MACF1: variants seen among roughly 807,000 people sequenced by gnomAD.
The protein encoded by MACF1 is microtubule actin crosslinking factor 1, also known as microtubule-actin cross-linking factor 1.
In MACF1, 193 loss-of-function variants were observed where a neutral mutation model predicts 854.8. The observed-to-expected ratio is 0.23, with a 90% confidence interval of 0.20 to 0.25. The LOEUF (loss-of-function observed/expected upper bound fraction) is 0.25, where lower values mean the gene tolerates loss of function less well. MACF1 is among the 10% of genes least tolerant of loss of function. MACF1 has a pLI of 1.00. For missense variants in MACF1, 7,722 were observed against 8,929.1 expected (o/e 0.86, Z 5.45); for synonymous variants, 3,185 against 3,226.7 (o/e 0.99, Z 0.44).
intron 2 of MACF1, among the ~76,000 whole-genome samples, chr1:39,093,140 G>A (rs1327890597): frequency 2.0e-5 from 3 of 151,720 alleles, no homozygotes; most frequent in African/African-American, 2.4e-5. Flanking sequence ...CTTCTGTGAC[G>A]CCAAGATATG....
chr1:39,245,440 A>T (rs920788603), intron 2 of MACF1, among the ~76,000 whole-genome samples: 2 of 152,064 alleles, frequency 1.3e-5, no homozygotes, highest in African/African-American at 4.8e-5. Context: ...GCCGCCATGC[A>T]CAACTTTTTT....
intron 51 of MACF1, among the ~76,000 whole-genome samples, chr1:39,370,676 T>C (rs1051241761): frequency 1.3e-5 from 2 of 152,204 alleles, no homozygotes; most frequent in African/African-American, 4.8e-5. Flanking sequence ...ATCCTTATTT[T>C]CTCAGTAAAG....
At chr1:39,385,265 G>A (rs970572709) in intron 56 of MACF1, among the ~76,000 whole-genome samples, 169 bp from the exon 57 acceptor site, 8 of 151,952 alleles carry the variant, frequency 5.3e-5, no homozygotes, top group Non-Finnish European at 7.4e-5. Context: ...ACGGGGTTTC[G>A]CCACGTTGGC....
At chr1:39,434,990 A>G (rs1156579603) in intron 69 of MACF1, among the ~76,000 whole-genome samples, 2 of 152,234 alleles carry the variant, frequency 1.3e-5, no homozygotes, top group African/African-American at 4.8e-5. Flanking sequence ...AGTGAAAGCC[A>G]TGAGGTAATG....
intron 68 of MACF1, among the ~76,000 whole-genome samples, chr1:39,433,820 C>A (rs927648080): frequency 2.6e-5 from 4 of 152,206 alleles, no homozygotes; most frequent in Admixed American, 2.0e-4. Flanking sequence ...TGGCTCACGC[C>A]TGTAATCCCA....
chr1:39,304,625 A>G, intron 23 of MACF1: 1 of 548,462 alleles, frequency 1.8e-6, no homozygotes. Context: ...GTGCAGTGGC[A>G]CTATTTCAGC....
At chr1:39,275,875 T>C (rs1023898726) in intron 6 of MACF1, among the ~76,000 whole-genome samples, 2 of 151,916 alleles carry the variant, frequency 1.3e-5, no homozygotes, top group Non-Finnish European at 2.9e-5. Context: ...TCCCTCTAGC[T>C]GGGCATTTGT....
chr1:39,360,012 A>AAAAAAT (rs1557608845), intron 47 of MACF1, among the ~76,000 whole-genome samples: 18 of 28,820 alleles, frequency 6.2e-4, no homozygotes, highest in Non-Finnish European at 9.6e-4. Context: ...AAAAAAAAAA[A>AAAAAAT]ATATATATAT....
chr1:39,403,867 G>C (rs1350453162), intron 58 of MACF1, among the ~76,000 whole-genome samples: 2 of 152,022 alleles, frequency 1.3e-5, no homozygotes, highest in African/African-American at 4.8e-5. Flanking sequence ...CGTGGCTCAT[G>C]CCTGTAATCC....
chr1:39,484,873 A>C, intron 100 of MACF1, 143 bp downstream of exon 100: 2 of 898,616 alleles, frequency 2.2e-6, no homozygotes, highest in Non-Finnish European at 1.8e-6. Context: ...GCAGATGCTC[A>C]AGTGACCTTT....
At position 39,105,470 on chromosome 1, in the gene MACF1, C is replaced by T; in HGVS notation, c.220+21032C>T. On this transcript the variant is annotated intron_variant, in intron 2 of 93. Coordinates refer to the MACF1 transcript ENST00000361689. The surrounding 1 kb of genome is among the most constrained non-coding windows in gnomAD (Gnocchi z 5.9). ...GGACTGAGGAGCGGAGCGCGACTGC[C>T]GGGCCGGGCGAGGCGGGCGGACGGC... is the stretch of plus-strand genomic sequence containing the variant. 2 of 1,009,028 alleles carry T rather than the reference C, an allele frequency of 2.0e-6. No homozygotes were observed. The highest frequency in any genetic ancestry group is 1.2e-6 in the Non-Finnish European group (1 of 846,766). The allele number at this position is 1,009,028 out of a possible 1,614,324, so 62.5% of individuals were successfully genotyped here. A position where few individuals can be genotyped will look rare whatever the true frequency, so the allele number is the denominator to read the frequency against.
chr1:39,378,585 C>T, intron 53 of MACF1, 62 bp downstream of exon 53: 1 of 1,475,912 alleles, frequency 6.8e-7, no homozygotes. Flanking sequence ...TCTATGTTTG[C>T]ATCTGTGTAT....
intron 6 of MACF1, among the ~76,000 whole-genome samples, chr1:39,270,510 A>G (rs777433035): frequency 6.6e-6 from 1 of 152,186 alleles, no homozygotes; most frequent in Non-Finnish European, 1.5e-5. Context: ...TTAAAGGTCA[A>G]GGAGCAAGTG....
Position 39,372,678 on chromosome 1 carries a change from A to G in MACF1, c.13213+82A>G, listed in dbSNP as rs1463036197. ...TTGGAGATGCCTCCTTATATAATTA[A>G]AGTGAAAATCAAGGTTGGATATGAA... is the stretch of plus-strand genomic sequence containing the variant. On this transcript the variant is annotated intron_variant, in intron 52 of 100. Coordinates refer to ENST00000564288, the MANE Select transcript of MACF1 (RefSeq NM_001394062.1). The G allele has an allele frequency of 6.5e-6, 6 of 916,260 alleles. 1 individual carries two copies. The highest frequency in any genetic ancestry group is 1.1e-5 in the Non-Finnish European group (6 of 564,448). 56.8% of individuals were successfully genotyped at this position (916,260 alleles called of 1,614,324 possible). A position where few individuals can be genotyped will look rare whatever the true frequency, so the allele number is the denominator to read the frequency against.
chr1:39,122,110 C>G (rs1035968697), intron 2 of MACF1, among the ~76,000 whole-genome samples: 2 of 152,150 alleles, frequency 1.3e-5, no homozygotes, highest in Non-Finnish European at 2.9e-5. Flanking sequence ...AAAAAAAATT[C>G]TGTGTTGCAC....
intron 23 of MACF1, among the ~76,000 whole-genome samples, chr1:39,306,343 G>C (rs1326317685): frequency 6.6e-6 from 1 of 151,940 alleles, no homozygotes; most frequent in Non-Finnish European, 1.5e-5. Flanking sequence ...GGCCAGGCTG[G>C]TCTCGAACTC....
intron 5 of MACF1, among the ~76,000 whole-genome samples, chr1:39,256,155 A>G (rs1645094125): frequency 6.6e-6 from 1 of 152,212 alleles, no homozygotes; most frequent in African/African-American, 2.4e-5. Flanking sequence ...GAGGCAGGAA[A>G]AGAGAATAGG....
intron 2 of MACF1, among the ~76,000 whole-genome samples, chr1:39,173,125 A>G (rs12402531): frequency 2.6e-5 from 4 of 152,102 alleles, no homozygotes; most frequent in Admixed American, 2.6e-4. Context: ...GTGGATCACA[A>G]GGTCAGGAGA....
chr1:39,379,439 A>G lies in MACF1; in HGVS notation c.13513A>G (p.Asn4505Asp). 6.2e-7 allele frequency: 1 copy of G among 1,612,964 alleles called. No homozygotes were observed. The highest frequency in any genetic ancestry group is 1.1e-5 in the South Asian group (1 of 90,868). Residue 4505 changes from asparagine (N) to aspartate (D), a missense_variant, in exon 54 of 101, where the codon AAC becomes GAC. By Grantham distance (23) the Asn-to-Asp change is conservative. Coordinates refer to ENST00000564288, the MANE Select transcript of MACF1 (RefSeq NM_001394062.1). ...AACAGTGAAAGCCCAAGCTGAATCTAACAAGGTACTGTGTTTACATTAGTT... is the reference window on the plus strand; with the variant it reads ...AACAGTGAAAGCCCAAGCTGAATCTGACAAGGTACTGTGTTTACATTAGTT... The part of the protein sequence containing the change: ...TETVKAQAES[N>D]KAFLAELEQN...
Sources: gnomAD v4.1 joint callset for allele counts (sites outside exome capture counted in the v4.1 genomes callset) on GRCh38, gnomAD v4.1.1 for gene constraint, Gnocchi (gnomAD v3.1) non-coding constraint, MANE v1.5 for transcripts, NCBI Gene and HGNC (gene_info 2026-07-23, HGNC 2026-07-21) for gene names.